Variants in INPP5D observed in about 807,000 individuals in gnomAD.
INPP5D encodes phosphatidylinositol 3,4,5-trisphosphate 5-phosphatase 1.
Under a neutral mutation model 122.9 loss-of-function variants are expected in INPP5D, and 33 were observed. The ratio of observed to expected loss-of-function variants is 0.27; its 90% CI spans 0.20 to 0.36. The LOEUF (loss-of-function observed/expected upper bound fraction) is 0.36. INPP5D is among the 10% of genes least tolerant of loss of function. The probability of loss-of-function intolerance (pLI) is 1.00; values close to 1 mark genes in which losing one functional copy is unlikely to be tolerated. For synonymous variants in INPP5D, 584 were observed against 576.2 expected (o/e 1.01, Z -0.19); for missense variants, 1,053 against 1,412.7 (o/e 0.75, Z 4.08).
intron 4 of INPP5D, among the ~76,000 whole-genome samples, chr2:233,129,884 T>TTG (rs140392015): frequency 0.051 from 7,679 of 149,724 alleles, 227 homozygotes; most frequent in East Asian, 0.16. Flanking sequence ...TGGCCTCCTT[T>TTG]TGTGTGTGTG....
rs776557681 is a variant in INPP5D, at chr2:233,122,260, A to T, written c.349+3A>T. On this transcript the variant is annotated splice_donor_region_variant and intron_variant, in intron 3 of 26. Coordinates refer to ENST00000445964, the MANE Select transcript of INPP5D (RefSeq NM_001017915.3). ...CGACGACCCTGAGGAGGACACAGGT[A>T]GGGAGGGAGGGACAGGACGGCAGGA... is the stretch of plus-strand genomic sequence containing the variant. 19 of 1,612,888 alleles carry T rather than the reference A, an allele frequency of 1.2e-5. No individual in the cohort carries two copies. In the East Asian group the frequency reaches 4.0e-4, roughly 34 times the overall value.
chr2:233,133,893 G>C, intron 5 of INPP5D: 1 of 443,812 alleles, frequency 2.3e-6, no homozygotes, highest in Admixed American at 2.4e-5. Context: ...TGTCTGTTTT[G>C]CTTCCTGCTG....
intron 17 of INPP5D, among the ~76,000 whole-genome samples, chr2:233,174,930 G>T (rs1188882537): frequency 6.6e-6 from 1 of 152,066 alleles, no homozygotes; most frequent in Non-Finnish European, 1.5e-5. Flanking sequence ...ACCAAAAATA[G>T]GTATAAGAAT....
At chr2:233,131,622 C>T (rs1233093533) in intron 5 of INPP5D, among the ~76,000 whole-genome samples, 1 of 152,116 alleles carries the variant, frequency 6.6e-6, no homozygotes, top group East Asian at 1.9e-4. Context: ...ATCACTTGAA[C>T]CTGGGAGGCT....
At chr2:233,191,103 A>G (rs569929446) in intron 22 of INPP5D, among the ~76,000 whole-genome samples, 13 of 152,304 alleles carry the variant, frequency 8.5e-5, no homozygotes, top group African/African-American at 2.9e-4. Context: ...GGTAATTTAT[A>G]AAGGAAAGAG....
At chr2:233,104,111 A>G (rs1393105605) in intron 2 of INPP5D, among the ~76,000 whole-genome samples, 1 of 148,240 alleles carries the variant, frequency 6.7e-6, no homozygotes, top group Non-Finnish European at 1.5e-5. Context: ...CCCAGGTTCA[A>G]GTGATTCTCC....
rs780426674 is a variant in INPP5D at position 233,182,390 on chromosome 2, A to T, written c.2072-20A>T. 1.9e-6 allele frequency: 3 copies of T among 1,612,966 alleles called. No homozygotes were observed. The highest frequency in any genetic ancestry group is 2.7e-5 in the African/African-American group (2 of 74,980). ...AGGGCTTCTCCTTCCCTGCTTAAAA[A>T]TGCCTTCCCTCCCCTGCAGGCAGTA... On this transcript the variant is annotated intron_variant, in intron 18 of 26. Coordinates refer to ENST00000445964, the MANE Select transcript of INPP5D (RefSeq NM_001017915.3).
intron 2 of INPP5D, among the ~76,000 whole-genome samples, chr2:233,104,241 C>T (rs1692402945): frequency 6.6e-6 from 1 of 152,084 alleles, no homozygotes. Context: ...GAACTCTTAA[C>T]CTCAAGTGAT....
chr2:233,104,485 C>G (rs1177803285), intron 2 of INPP5D, among the ~76,000 whole-genome samples: 1 of 152,110 alleles, frequency 6.6e-6, no homozygotes, highest in Non-Finnish European at 1.5e-5. Context: ...GACAGAGGCC[C>G]TGCTAAAGAG....
At chr2:233,185,965 A>G (rs1248965141) in intron 21 of INPP5D, 40 bp downstream of exon 21, 3 of 1,551,870 alleles carry the variant, frequency 1.9e-6, no homozygotes, top group Non-Finnish European at 1.7e-6. Context: ...GGAGATTTGC[A>G]TTTACTAGGC....
chr2:233,088,090 C>T (rs1263524924), intron 2 of INPP5D, among the ~76,000 whole-genome samples: 1 of 152,200 alleles, frequency 6.6e-6, no homozygotes, highest in Non-Finnish European at 1.5e-5. Flanking sequence ...ATTCTCCTGC[C>T]TCAGCCTTCC....
At chr2:233,195,020 T>G (rs3924336) in intron 23 of INPP5D, among the ~76,000 whole-genome samples, 37,197 of 152,096 alleles carry the variant, frequency 0.24, 4,672 homozygotes, top group East Asian at 0.35. Flanking sequence ...GGTTTGGAAC[T>G]CCTGACCTCA....
At chr2:233,178,459 A>T (rs973973478) in intron 18 of INPP5D, among the ~76,000 whole-genome samples, 3 of 145,336 alleles carry the variant, frequency 2.1e-5, no homozygotes, top group Admixed American at 6.9e-5. Context: ...GTGGTATTTT[A>T]TTATTTATTT....
rs373629561 is a variant in INPP5D, at chr2:233,197,553, C to T, written c.2694-542C>T. On this transcript the variant is annotated intron_variant, in intron 24 of 26. Coordinates refer to ENST00000445964, the MANE Select transcript of INPP5D (RefSeq NM_001017915.3). The surrounding 1 kb of genome is among the most constrained non-coding windows in gnomAD (Gnocchi z 4.4). ...CCTGCTCACCAGCCTTCGGACCGTCCAGGAACAGGCCAAACCCCTCTCACC... is the reference window on the plus strand; with the variant it reads ...CCTGCTCACCAGCCTTCGGACCGTCTAGGAACAGGCCAAACCCCTCTCACC... Among the ~76,000 whole-genome samples, 3 of 152,272 alleles carry T rather than the reference C, an allele frequency of 2.0e-5. No homozygotes were observed. Among genetic ancestry groups the T allele is most frequent in the East Asian group, 1.9e-4 (1 of 5,182 alleles).
In INPP5D at chr2:233,128,477, C is replaced by T. The variant is rs1000532817; in HGVS notation, c.525-2031C>T. Among the ~76,000 whole-genome samples the T allele has an allele frequency of 1.3e-5, 2 of 152,006 alleles. No individual in the cohort carries two copies. Among genetic ancestry groups the T allele is most frequent in the Admixed American group, 1.3e-4 (2 of 15,238 alleles). On this transcript the variant is annotated intron_variant, in intron 4 of 26. Coordinates refer to ENST00000445964, the MANE Select transcript of INPP5D (RefSeq NM_001017915.3). This position sits in a 1 kb window ranked among gnomAD's most constrained non-coding sequence, Gnocchi z 4.5. ...TAACAAGTCAAATGGGTAAGCCAGT[C>T]CTGTTCAGTATTTTTTTTGAGATGG...
chr2:233,096,656 G>C (rs779219419), intron 2 of INPP5D, among the ~76,000 whole-genome samples: 46 of 152,266 alleles, frequency 3.0e-4, no homozygotes, highest in Non-Finnish European at 4.1e-4. Flanking sequence ...CATCTCAAAA[G>C]AAATGACACT....
At chr2:233,063,860 C>T (rs1341815617) in intron 1 of INPP5D, among the ~76,000 whole-genome samples, 1 of 152,266 alleles carries the variant, frequency 6.6e-6, no homozygotes, top group Non-Finnish European at 1.5e-5. Flanking sequence ...GCAGAGTTGG[C>T]CCTGCTCCGG....
Position 233,170,085 on chromosome 2 carries a change from G to A in INPP5D, c.1712G>A (p.Ser571Asn), listed in dbSNP as rs1262510300. ...RFLALGDKKL[S>N]PFNITHRFTH... is the part of the protein sequence containing the mutation. ...CTGGCCCTGGGCGACAAGAAGCTGA[G>A]TCCCTTTAACATCACTCACCGCTTC... The change falls in exon 15 of 27, where the codon AGT (serine) becomes AAT (asparagine). Residue 571 changes from serine to asparagine, a missense_variant. By Grantham distance (46) the Ser-to-Asn change is conservative. Transcript: ENST00000445964. The surrounding 1 kb of genome is among the most constrained non-coding windows in gnomAD (Gnocchi z 4.5). 23 of 1,614,034 alleles carry A rather than the reference G, an allele frequency of 1.4e-5. No homozygotes were observed. The highest frequency in any genetic ancestry group is 1.8e-5 in the Non-Finnish European group (21 of 1,179,906).
At chr2:233,146,285 G>C in intron 7 of INPP5D, 43 bp downstream of exon 7, 1 of 704,240 alleles carries the variant, frequency 1.4e-6, no homozygotes, top group South Asian at 1.5e-5. Flanking sequence ...CTCCTCTTTG[G>C]TCCCCTCTTT....
Sources: allele counts gnomAD v4.1 joint callset (sites outside exome capture counted in the v4.1 genomes callset), GRCh38; gene constraint gnomAD v4.1.1; non-coding constraint Gnocchi (gnomAD v3.1); transcripts MANE v1.5; gene names NCBI Gene and HGNC (gene_info 2026-07-23, HGNC 2026-07-21).